GRIA1: variants seen among roughly 807,000 people sequenced by gnomAD.
GRIA1 encodes the protein glutamate ionotropic receptor AMPA type subunit 1.
A neutral mutation model predicts 99.2 loss-of-function variants in GRIA1; 31 were observed. That is an observed-to-expected ratio of 0.31 (90% CI 0.23 to 0.42). The LOEUF is 0.42. Among genes scored for constraint, GRIA1 ranks in the 10% least tolerant of loss-of-function variants. The pLI, the probability that GRIA1 is intolerant of heterozygous loss-of-function variation, is 1.00. For synonymous variants in GRIA1, 438 were observed against 432.4 expected (o/e 1.01, Z -0.16); for missense variants, 782 against 1,157.5 (o/e 0.68, Z 4.71).
At chr5:153,597,036 C>T (rs1196137393) in intron 2 of GRIA1, among the ~76,000 whole-genome samples, 1 of 152,190 alleles carries the variant, frequency 6.6e-6, no homozygotes, top group Non-Finnish European at 1.5e-5. Context: ...CTGCAGCCTC[C>T]TCTGCTAGGA....
At chr5:153,776,288 G>A (rs1313947526) in intron 13 of GRIA1, among the ~76,000 whole-genome samples, 4 of 152,186 alleles carry the variant, frequency 2.6e-5, no homozygotes, top group Admixed American at 1.3e-4. Context: ...TCACTTTAAA[G>A]CTGGGAGGTT....
intron 2 of GRIA1, among the ~76,000 whole-genome samples, chr5:153,617,181 A>G (rs1766580921): frequency 6.6e-6 from 1 of 151,468 alleles, no homozygotes; most frequent in Non-Finnish European, 1.5e-5. Flanking sequence ...GATGAGAGTG[A>G]GATTCCTATG....
intron 1 of GRIA1, among the ~76,000 whole-genome samples, chr5:153,492,492 G>C (rs1754017525): frequency 6.6e-6 from 1 of 152,136 alleles, no homozygotes; most frequent in Non-Finnish European, 1.5e-5. Flanking sequence ...GGGGGGAAGG[G>C]GGAGCATCAT....
At chr5:153,625,195 G>A (rs1292057374) in intron 2 of GRIA1, among the ~76,000 whole-genome samples, 1 of 152,130 alleles carries the variant, frequency 6.6e-6, no homozygotes, top group Non-Finnish European at 1.5e-5. Context: ...GTGTGGTCTA[G>A]TTAATCCTCC....
At chr5:153,554,385 A>G (rs559731693) in intron 2 of GRIA1, among the ~76,000 whole-genome samples, 1 of 152,322 alleles carries the variant, frequency 6.6e-6, no homozygotes, top group East Asian at 1.9e-4. Context: ...GACTATGTGT[A>G]TCGGAATCCC....
At chr5:153,535,925 C>G (rs924702797) in intron 2 of GRIA1, among the ~76,000 whole-genome samples, 2 of 152,144 alleles carry the variant, frequency 1.3e-5, no homozygotes, top group Admixed American at 1.3e-4. Flanking sequence ...CAGGAAATAC[C>G]GACAGCAGCT....
chr5:153,614,322 C>T (rs888722690), intron 2 of GRIA1, among the ~76,000 whole-genome samples: 4 of 152,162 alleles, frequency 2.6e-5, no homozygotes, highest in African/African-American at 7.2e-5. Context: ...GTGCCATAGA[C>T]AGTGCCTTGT....
At chr5:153,725,339 C>G in intron 11 of GRIA1, among the ~76,000 whole-genome samples, 1 of 151,146 alleles carries the variant, frequency 6.6e-6, no homozygotes. Context: ...ACTGCATCAA[C>G]TAACAAGCAA....
At chr5:153,498,958 C>T (rs1407863371) in intron 2 of GRIA1, among the ~76,000 whole-genome samples, 1 of 152,138 alleles carries the variant, frequency 6.6e-6, no homozygotes, top group Non-Finnish European at 1.5e-5. Flanking sequence ...CAGCATTCAT[C>T]ATTTTATTAT....
At chr5:153,676,816 A>G (rs1292511943) in intron 6 of GRIA1, among the ~76,000 whole-genome samples, 178 bp from the exon 7 acceptor site, 1 of 152,120 alleles carries the variant, frequency 6.6e-6, no homozygotes, top group Non-Finnish European at 1.5e-5. Flanking sequence ...CTGCTTGAAT[A>G]TTTATGCTTC....
chr5:153,529,793 T>C (rs489572), intron 2 of GRIA1, among the ~76,000 whole-genome samples: 53,687 of 151,884 alleles, frequency 0.35, 9,885 homozygotes, highest in African/African-American at 0.46. Flanking sequence ...CCCCAACCTT[T>C]TGCTTTTCTT....
chr5:153,752,426 G>A (rs907414052), intron 11 of GRIA1, among the ~76,000 whole-genome samples: 2 of 152,124 alleles, frequency 1.3e-5, no homozygotes, highest in African/African-American at 2.4e-5. Context: ...ATGTAACTAA[G>A]ATAGTAGAAT....
intron 2 of GRIA1, among the ~76,000 whole-genome samples, chr5:153,569,033 C>T (rs12153497): frequency 0.097 from 14,730 of 152,170 alleles, 789 homozygotes; most frequent in South Asian, 0.19. Flanking sequence ...CCAGGTTCTA[C>T]GGCACTTGTT....
At chr5:153,678,827 C>T (rs1756772751) in intron 7 of GRIA1, among the ~76,000 whole-genome samples, 3 of 152,202 alleles carry the variant, frequency 2.0e-5, no homozygotes, top group Non-Finnish European at 4.4e-5. Flanking sequence ...GAGCTGGACT[C>T]CACGTCCAGC....
chr5:153,712,237 A>C (rs1300597045), intron 11 of GRIA1, among the ~76,000 whole-genome samples: 3 of 151,988 alleles, frequency 2.0e-5, no homozygotes, highest in African/African-American at 7.3e-5. Context: ...TTTTTAGTAG[A>C]GATGGGGTTT....
At chr5:153,785,199 C>T (rs950033162) in intron 13 of GRIA1, among the ~76,000 whole-genome samples, 4 of 152,092 alleles carry the variant, frequency 2.6e-5, no homozygotes, top group African/African-American at 4.8e-5. Context: ...CCCTCAAGCC[C>T]CATGGAAGGA....
At chr5:153,539,604 A>C (rs1024422697) in intron 2 of GRIA1, among the ~76,000 whole-genome samples, 34 of 152,198 alleles carry the variant, frequency 2.2e-4, no homozygotes, top group Admixed American at 1.4e-3. Flanking sequence ...GAGGTTGGTT[A>C]GTTGAAATAC....
At chr5:153,590,029 G>A (rs999844314) in intron 2 of GRIA1, among the ~76,000 whole-genome samples, 4 of 152,096 alleles carry the variant, frequency 2.6e-5, no homozygotes, top group Admixed American at 2.6e-4. Context: ...AAAATGTACT[G>A]AAATTATAAT....
chr5:153,655,783 T>TTAA (rs1754900191), intron 4 of GRIA1, 36 bp from the exon 5 acceptor site: 6 of 1,583,876 alleles, frequency 3.8e-6, no homozygotes, highest in Admixed American at 1.7e-5. Context: ...TAACTGTTAG[T>TTAA]ATGATTAATG....
Sources: allele counts gnomAD v4.1 joint callset (sites outside exome capture counted in the v4.1 genomes callset), GRCh38; gene constraint gnomAD v4.1.1; transcripts MANE v1.5; gene names NCBI Gene and HGNC (gene_info 2026-07-23, HGNC 2026-07-21).